The following MYH7B variants were observed in gnomAD, a reference collection of about 807,000 sequenced individuals.
MYH7B encodes the protein myosin-7B.
A neutral mutation model predicts 234.5 loss-of-function variants in MYH7B; 205 were observed. The ratio of observed to expected loss-of-function variants is 0.87; its 90% CI spans 0.78 to 0.98. MYH7B has a LOEUF of 0.98. Ranked by LOEUF, MYH7B falls within the 50% of genes least tolerant of loss-of-function variation. The pLI is 0.00. For missense variants in MYH7B, 2,652 were observed against 2,633.4 expected, an observed-to-expected ratio of 1.01 and a Z score of -0.15; for synonymous variants, 1,193 against 1,105.0, an observed-to-expected ratio of 1.08 and a Z score of -1.58.
intron 2 of MYH7B, among the ~76,000 whole-genome samples, chr20:34,962,879 C>T (rs1387885314): frequency 2.0e-5 from 3 of 152,236 alleles, no homozygotes; most frequent in African/African-American, 4.8e-5. Context: ...TGGCAGATCA[C>T]CTGAGGTCAG....
chr20:35,001,924 C>T, intron 43 of MYH7B, 24 bp from the exon 44 acceptor site: 1 of 1,606,688 alleles, frequency 6.2e-7, no homozygotes, highest in Non-Finnish European at 8.5e-7. Context: ...CCAAGCGGAA[C>T]CAAGGCCCTG....
intron 2 of MYH7B, among the ~76,000 whole-genome samples, chr20:34,962,325 G>A (rs184109194): frequency 7.9e-4 from 120 of 152,226 alleles, no homozygotes; most frequent in African/African-American, 2.7e-3. Context: ...TGGAATTGCC[G>A]GGTAATATGG....
intron 5 of MYH7B, 110 bp downstream of exon 5, chr20:34,978,206 C>G (rs969712890): frequency 7.6e-7 from 1 of 1,322,318 alleles, no homozygotes; most frequent in African/African-American, 1.4e-5. Flanking sequence ...GCATTGGGGC[C>G]TGACAGCTGG....
rs762254041 is a variant in MYH7B, at chr20:34,978,049, G to T, written c.44G>T (p.Arg15Leu). 6.2e-6 allele frequency: 10 copies of T among 1,613,932 alleles called. No individual in the cohort carries two copies. The South Asian group carries it at 6.6e-5, about 11-fold the overall frequency. ...CTTGGGGAGTCTGCCCGCTACCTCC[G>T]CCAGGGCTACCAGGAGATGACGAAG... Residue 15 changes from arginine (R) to leucine (L), a missense_variant, in exon 5 of 45, where the codon CGC becomes CTC. Physicochemically the swap from Arg to Leu is moderately radical, Grantham distance 102 (BLOSUM62 -2). Around this residue, in one of 3 missense-constraint regions of MYH7B, gnomAD observed 366 missense variants for 401.2 expected, o/e 0.91. Transcript: ENST00000262873.
intron 36 of MYH7B, 47 bp from the exon 37 acceptor site, chr20:34,999,524 G>A: frequency 6.4e-7 from 1 of 1,551,784 alleles, no homozygotes; most frequent in Non-Finnish European, 8.7e-7. Flanking sequence ...GACCTGGGTG[G>A]GAGTACAAGC....
At chr20:34,963,345 C>T (rs980981409) in intron 2 of MYH7B, among the ~76,000 whole-genome samples, 3 of 152,148 alleles carry the variant, frequency 2.0e-5, no homozygotes, top group African/African-American at 4.8e-5. Flanking sequence ...ACAAATAATG[C>T]GCATATCTTT....
At position 34,975,498 on chromosome 20, in the gene MYH7B, A is replaced by T. The variant is rs571269802; in HGVS notation, c.-123A>T. 4.3e-5 allele frequency: 31 copies of T among 713,940 alleles called. 3 individuals carry two copies. The highest frequency in any genetic ancestry group is 4.2e-4 in the South Asian group (28 of 66,778). 44.2% of individuals were successfully genotyped at this position (713,940 alleles called of 1,614,324 possible). On this transcript the variant is annotated splice_region_variant and 5_prime_UTR_variant, in exon 3 of 45. It removes the in-frame stop codon of an upstream open reading frame in the 5' UTR. Coordinates refer to ENST00000262873, the Ensembl canonical transcript of MYH7B. Reference sequence around the variant, plus strand: ...CCAAAGTGCTGGAATTACAGACATGAGGTACTGTGCCTGACCCAGGGTATG... The same window carrying T: ...CCAAAGTGCTGGAATTACAGACATGTGGTACTGTGCCTGACCCAGGGTATG...
intron 24 of MYH7B, 107 bp from the exon 25 acceptor site, chr20:34,992,995 G>C: frequency 7.1e-7 from 1 of 1,403,726 alleles, no homozygotes; most frequent in South Asian, 1.3e-5. Context: ...CCAGGAACGA[G>C]TCCCCTGCTA....
intron 10 of MYH7B, among the ~76,000 whole-genome samples, chr20:34,983,977 G>C (rs1322106291): frequency 1.3e-5 from 2 of 152,206 alleles, no homozygotes; most frequent in African/African-American, 4.8e-5. Flanking sequence ...GGGAGAAGGA[G>C]GATCTGCTCA....
intron 1 of MYH7B, among the ~76,000 whole-genome samples, chr20:34,956,781 G>A (rs2081640477): frequency 1.3e-5 from 2 of 152,210 alleles, no homozygotes; most frequent in Non-Finnish European, 2.9e-5. Flanking sequence ...CTGGCTGGGT[G>A]CAGTGGCTCA....
rs2082185341 is a variant in MYH7B, at chr20:34,993,064, C to CCAT, written c.2184-36_2184-35insTCA. The CCAT allele has an allele frequency of 1.9e-6, 3 of 1,593,068 alleles. No individual in the cohort carries two copies. In the East Asian group the frequency reaches 6.7e-5, roughly 36 times the overall value. On this transcript the variant is annotated intron_variant, in intron 24 of 44. Transcript: ENST00000262873. ...ATTCTCAGTGGCCTGTGCCCCATAC[C>CCAT]CAGCCCTCTCCTGACCAGCTCTGCC... is the stretch of plus-strand genomic sequence containing the variant.
rs199657404 is a variant in MYH7B at position 34,999,756 on chromosome 20, C to A, written c.4666-35C>A. 905 of 1,310,162 alleles carry A rather than the reference C, an allele frequency of 6.9e-4. 4 individuals carry two copies. The highest frequency in any genetic ancestry group is 8.8e-4 in the Non-Finnish European group (823 of 935,024). 81.2% of individuals were successfully genotyped at this position (1,310,162 alleles called of 1,614,324 possible). On this transcript the variant is annotated intron_variant, in intron 37 of 44. Transcript: ENST00000262873. ...CCTGCTGCTCCACTGGCCATCCCCC[C>A]CCCCCACCCTACCCTGCCTGCTCTG...
At chr20:34,959,852 G>T (rs1240944247) in intron 2 of MYH7B, among the ~76,000 whole-genome samples, 1 of 152,126 alleles carries the variant, frequency 6.6e-6, no homozygotes, top group African/African-American at 2.4e-5. Context: ...TAAGTGTCAG[G>T]TACTTGGCTA....
rs1429169140 is a variant in MYH7B at position 34,987,143 on chromosome 20, C to T, written c.1009-6C>T. 3.1e-6 allele frequency: 5 copies of T among 1,613,150 alleles called. No homozygotes were observed. The highest frequency in any genetic ancestry group is 2.7e-5 in the African/African-American group (2 of 74,892). On this transcript the variant is annotated splice_region_variant and splice_polypyrimidine_tract_variant and intron_variant, in intron 15 of 44. Transcript: ENST00000262873. ...CTCTGAACTCGCTTTCCCTGCTGCCCCCCAGCATGCCATGGACATCCTAGG... is the reference window on the plus strand; with the variant it reads ...CTCTGAACTCGCTTTCCCTGCTGCCTCCCAGCATGCCATGGACATCCTAGG...
chr20:34,966,673 G>T lies in MYH7B; in HGVS notation c.-222+8461G>T, dbSNP rs148734245. On this transcript the variant is annotated intron_variant, in intron 2 of 44. Transcript: ENST00000262873. ...AACTGGGAAAATCTGAATAAGATCG[G>T]TACATTATATCAATGTCAATAGTAC... 1.7e-3 allele frequency among the ~76,000 whole-genome samples: 264 copies of T among 152,234 alleles called. 1 individual carries two copies. Among genetic ancestry groups the T allele is most frequent in the Middle Eastern group, 6.8e-3 (2 of 294 alleles).
intron 1 of MYH7B, among the ~76,000 whole-genome samples, chr20:34,957,355 C>T (rs1404461777): frequency 2.0e-5 from 3 of 152,076 alleles, no homozygotes; most frequent in Non-Finnish European, 4.4e-5. Flanking sequence ...GATGTGAGAT[C>T]ATGAGGCTGT....
In MYH7B at chr20:34,989,995, A is replaced by G. The variant is rs200875713; in HGVS notation, c.1768-19A>G. The G allele has an allele frequency of 5.0e-6, 8 of 1,613,788 alleles. No individual in the cohort carries two copies. In the African/African-American group the frequency reaches 1.1e-4, roughly 22 times the overall value. ...TCCAGGTCTCCCACCCGGGCTCAGC[A>G]CCTGACTTGTCTCTCCAGGTGCCTT... On this transcript the variant is annotated intron_variant, in intron 20 of 44. Coordinates refer to ENST00000262873, the Ensembl canonical transcript of MYH7B.
intron 28 of MYH7B, 93 bp from the exon 29 acceptor site, chr20:34,996,253 C>A: frequency 7.0e-7 from 1 of 1,418,576 alleles, no homozygotes; most frequent in Non-Finnish European, 9.5e-7. Context: ...AGTCCCATAG[C>A]TGGAAGGGGC....
intron 35 of MYH7B, 22 bp from the exon 36 acceptor site, chr20:34,999,034 C>T: frequency 6.3e-7 from 1 of 1,598,792 alleles, no homozygotes; most frequent in Non-Finnish European, 8.5e-7. Flanking sequence ...TGGTCCACAC[C>T]TTGTCTGGTT....
Sources: gnomAD v4.1 joint callset for allele counts (sites outside exome capture counted in the v4.1 genomes callset) on GRCh38, gnomAD v4.1.1 for gene constraint, gnomAD v4.1.1 regional missense constraint, MANE v1.5 for transcripts, NCBI Gene and HGNC (gene_info 2026-07-23, HGNC 2026-07-21) for gene names.